CTIF: variants seen among roughly 807,000 people sequenced by gnomAD.
The protein encoded by CTIF is CBP80/20-dependent translation initiation factor.
In CTIF, 21 loss-of-function variants were observed where a neutral mutation model predicts 66.0. The observed-to-expected ratio is 0.32, with a 90% confidence interval of 0.23 to 0.46. The LOEUF (loss-of-function observed/expected upper bound fraction) is 0.46. CTIF is among the 20% of genes least tolerant of loss of function. The probability of loss-of-function intolerance (pLI) is 1.00; values close to 1 mark genes in which losing one functional copy is unlikely to be tolerated. For synonymous variants in CTIF, 345 were observed against 326.4 expected (o/e 1.06, Z -0.62); for missense variants, 739 against 812.7 (o/e 0.91, Z 1.10).
chr18:48,566,677 C>G (rs551684110), intron 1 of CTIF: 1 of 152,322 alleles, frequency 6.6e-6, no homozygotes, highest in Admixed American at 6.5e-5. Flanking sequence ...TATTTGACAC[C>G]TCTGTTGCAG....
chr18:48,660,202 T>A (rs531767775), intron 3 of CTIF, among the ~76,000 whole-genome samples: 1 of 151,386 alleles, frequency 6.6e-6, no homozygotes, highest in African/African-American at 2.4e-5. Flanking sequence ...CCTGAGTTGT[T>A]GTAAGGAGCT....
intron 9 of CTIF, among the ~76,000 whole-genome samples, chr18:48,789,393 G>A (rs1235348343): frequency 1.3e-5 from 2 of 152,192 alleles, no homozygotes; most frequent in Admixed American, 6.5e-5. Flanking sequence ...AGATAATGTA[G>A]TAAAGGGCAT....
At chr18:48,631,967 G>T (rs8090803) in intron 2 of CTIF, among the ~76,000 whole-genome samples, 98,195 of 151,982 alleles carry the variant, frequency 0.65, 33,312 homozygotes, top group East Asian at 0.94. Flanking sequence ...ATCTCCTATA[G>T]ATCAGGACAG....
intron 7 of CTIF, among the ~76,000 whole-genome samples, chr18:48,736,063 G>A (rs750011050): frequency 7.2e-5 from 11 of 152,118 alleles, no homozygotes; most frequent in African/African-American, 9.7e-5. Flanking sequence ...GTTCCTTCCC[G>A]GAGTGTTATG....
At chr18:48,774,329 C>A (rs1478438980) in intron 9 of CTIF, among the ~76,000 whole-genome samples, 1 of 152,132 alleles carries the variant, frequency 6.6e-6, no homozygotes, top group Non-Finnish European at 1.5e-5. Flanking sequence ...CATGGCTCTG[C>A]CCTTGAAACC....
chr18:48,779,818 C>A (rs2083296405), intron 9 of CTIF, among the ~76,000 whole-genome samples: 1 of 152,200 alleles, frequency 6.6e-6, no homozygotes, highest in African/African-American at 2.4e-5. Flanking sequence ...CAACCCACCA[C>A]CTTCATGATT....
rs545539579 is a variant in CTIF at position 48,833,547 on chromosome 18, A to G, written c.1527+16171A>G. Among the ~76,000 whole-genome samples, 179 of 152,126 alleles carry G rather than the reference A, an allele frequency of 1.2e-3. 2 individuals carry two copies. Among genetic ancestry groups the G allele is most frequent in the African/African-American group, 4.2e-3 (174 of 41,518 alleles). ...CCTAAAGCCTGCCTAGTCCCATCAG[A>G]TCACCTCACCCCTTTCCTAGGTAGG... is the stretch of plus-strand genomic sequence containing the variant. On this transcript the variant is annotated intron_variant, in intron 10 of 11. Transcript: ENST00000256413.
At chr18:48,685,740 G>A (rs1006429021) in intron 6 of CTIF, among the ~76,000 whole-genome samples, 120 of 151,740 alleles carry the variant, frequency 7.9e-4, no homozygotes, top group Middle Eastern at 3.4e-3. Flanking sequence ...GGAGTGGTGC[G>A]ATCTCAAGTC....
chr18:48,692,223 G>A (rs1247831379), intron 6 of CTIF, among the ~76,000 whole-genome samples: 1 of 151,876 alleles, frequency 6.6e-6, no homozygotes. Context: ...AACTCAACTG[G>A]GAATCCACTT....
chr18:48,694,358 A>G (rs2091975819), intron 6 of CTIF, among the ~76,000 whole-genome samples: 1 of 152,226 alleles, frequency 6.6e-6, no homozygotes, highest in South Asian at 2.1e-4. Flanking sequence ...GGAGGGGATG[A>G]GAGCTGCCCT....
chr18:48,849,786 A>G (rs1023476591), intron 10 of CTIF, among the ~76,000 whole-genome samples: 11 of 151,914 alleles, frequency 7.2e-5, no homozygotes, highest in African/African-American at 2.4e-4. Context: ...GGGTTTCACC[A>G]TGTTGGCCAG....
At chr18:48,588,590 C>T (rs1484042222) in intron 1 of CTIF, among the ~76,000 whole-genome samples, 1 of 152,210 alleles carries the variant, frequency 6.6e-6, no homozygotes, top group African/African-American at 2.4e-5. Flanking sequence ...TGACCCCTGC[C>T]CCCACCCTCC....
intron 1 of CTIF, chr18:48,565,181 G>A (rs1408140269): frequency 6.6e-6 from 1 of 152,158 alleles, no homozygotes; most frequent in African/African-American, 2.4e-5. Context: ...TTGTGATGTG[G>A]AGACTTTGCA....
chr18:48,614,743 G>A (rs2090366754), intron 1 of CTIF, among the ~76,000 whole-genome samples: 1 of 152,170 alleles, frequency 6.6e-6, no homozygotes, highest in Non-Finnish European at 1.5e-5. Flanking sequence ...TGATAAAAAA[G>A]TTCTGGAAAT....
intron 1 of CTIF, among the ~76,000 whole-genome samples, chr18:48,602,393 A>G (rs2090105968): frequency 6.6e-6 from 1 of 152,234 alleles, no homozygotes; most frequent in Admixed American, 6.5e-5. Context: ...GACTCAGAAG[A>G]GATGAAACAG....
At chr18:48,556,930 T>G (rs146616800) in intron 1 of CTIF, among the ~76,000 whole-genome samples, 1 of 152,212 alleles carries the variant, frequency 6.6e-6, no homozygotes, top group Admixed American at 6.5e-5. Flanking sequence ...AGCTATGAGA[T>G]TGGCATAACA....
intron 1 of CTIF, among the ~76,000 whole-genome samples, chr18:48,575,447 G>A (rs984092298): frequency 2.6e-5 from 4 of 152,176 alleles, no homozygotes; most frequent in African/African-American, 7.2e-5. Context: ...GAACACTGCC[G>A]ACTTTAATTA....
At chr18:48,615,032 C>CT (rs2090372989) in intron 1 of CTIF, among the ~76,000 whole-genome samples, 1 of 152,162 alleles carries the variant, frequency 6.6e-6, no homozygotes, top group Admixed American at 6.5e-5. Context: ...TCCTGAGTAG[C>CT]TGAGCATGTG....
At chr18:48,783,575 G>A (rs1022637364) in intron 9 of CTIF, among the ~76,000 whole-genome samples, 1 of 152,126 alleles carries the variant, frequency 6.6e-6, no homozygotes, top group Non-Finnish European at 1.5e-5. Context: ...AGTGTGTGGG[G>A]TACAGCCTGG....
Sources: gnomAD v4.1 joint callset for allele counts (sites outside exome capture counted in the v4.1 genomes callset) on GRCh38, gnomAD v4.1.1 for gene constraint, MANE v1.5 for transcripts, NCBI Gene and HGNC (gene_info 2026-07-23, HGNC 2026-07-21) for gene names.